The following UST variants were observed in gnomAD, a reference collection of about 807,000 sequenced individuals.
The protein encoded by UST is chondroitin sulfate 2-O-sulfotransferase.
A neutral mutation model predicts 45.6 loss-of-function variants in UST; 21 were observed. The observed-to-expected ratio is 0.46, with a 90% CI of 0.33 to 0.66. UST has a LOEUF of 0.66. UST is among the 30% of genes least tolerant of loss of function. UST has a pLI of 0.02. For synonymous variants in UST, 215 were observed against 200.6 expected, an observed-to-expected ratio of 1.07 and a Z score of -0.61; for missense variants, 463 against 512.4, an observed-to-expected ratio of 0.90 and a Z score of 0.93.
intron 2 of UST, among the ~76,000 whole-genome samples, chr6:148,922,931 T>C (rs1193416807): frequency 1.3e-5 from 2 of 152,162 alleles, no homozygotes; most frequent in African/African-American, 2.4e-5. Context: ...TAGCTGGGAT[T>C]ACAGGCATGC....
intron 4 of UST, among the ~76,000 whole-genome samples, chr6:148,964,122 C>T (rs879604160): frequency 6.6e-6 from 1 of 152,174 alleles, no homozygotes; most frequent in African/African-American, 2.4e-5. Flanking sequence ...AACTAGACAC[C>T]ATCTCTTCCT....
chr6:149,005,139 A>G (rs1053743215), intron 5 of UST, among the ~76,000 whole-genome samples: 1 of 152,140 alleles, frequency 6.6e-6, no homozygotes, highest in Non-Finnish European at 1.5e-5. Context: ...GAAGCCTTAC[A>G]GAGAACCCAA....
intron 7 of UST, among the ~76,000 whole-genome samples, chr6:149,065,254 TC>T (rs1215148152): frequency 6.6e-6 from 1 of 152,214 alleles, no homozygotes; most frequent in African/African-American, 2.4e-5. Context: ...CCTAACAACT[TC>T]CTCTAGAGCT....
intron 1 of UST, among the ~76,000 whole-genome samples, chr6:148,845,538 G>A (rs12195548): frequency 0.25 from 38,652 of 152,006 alleles, 6,187 homozygotes; most frequent in East Asian, 0.54. Flanking sequence ...TTCCAGTTTG[G>A]GGCTATTGTG....
At chr6:148,930,237 T>C (rs1200363281) in intron 2 of UST, among the ~76,000 whole-genome samples, 2 of 152,238 alleles carry the variant, frequency 1.3e-5, no homozygotes, top group African/African-American at 4.8e-5. Flanking sequence ...ATTCCCTTGT[T>C]AGATTGTGAG....
chr6:149,025,019 C>A (rs950846520), intron 7 of UST, among the ~76,000 whole-genome samples: 1 of 151,898 alleles, frequency 6.6e-6, no homozygotes, highest in Non-Finnish European at 1.5e-5. Flanking sequence ...AATATGTATA[C>A]CAGTCTCATT....
intron 7 of UST, among the ~76,000 whole-genome samples, chr6:149,027,235 A>C (rs1234861691): frequency 6.6e-6 from 1 of 152,238 alleles, no homozygotes; most frequent in East Asian, 1.9e-4. Flanking sequence ...ATGCTACAGA[A>C]ATAATTCAAA....
At chr6:149,006,191 T>G (rs1381249329) in intron 5 of UST, among the ~76,000 whole-genome samples, 1 of 152,162 alleles carries the variant, frequency 6.6e-6, no homozygotes, top group African/African-American at 2.4e-5. Flanking sequence ...ACCCATCACC[T>G]AGGTATTAAG....
rs1781274295 is a variant in UST at position 148,988,344 on chromosome 6, CG to C, written c.681+23784del. On this transcript the variant is annotated intron_variant, in intron 5 of 7. Transcript: ENST00000367463. ...AGTCCAGCACTTTGGGAGGTCAAAG[CG>C]GGTGAATCACTTGAGGCCAGGAGTT... Among the ~76,000 whole-genome samples, 4 of 151,996 alleles carry C rather than the reference CG, an allele frequency of 2.6e-5. No individual in the cohort carries two copies. In the East Asian group the frequency reaches 7.8e-4, roughly 30 times the overall value.
At chr6:148,945,701 C>T (rs1421545193) in intron 3 of UST, among the ~76,000 whole-genome samples, 1 of 152,192 alleles carries the variant, frequency 6.6e-6, no homozygotes, top group African/African-American at 2.4e-5. Flanking sequence ...AAATTAAAAA[C>T]AAAACTGCAA....
chr6:148,981,497 C>T (rs539378385), intron 5 of UST, among the ~76,000 whole-genome samples: 140 of 152,326 alleles, frequency 9.2e-4, no homozygotes, highest in South Asian at 1.9e-3. Context: ...ATCTTCACTG[C>T]TTTATTTACA....
Position 148,774,369 on chromosome 6 carries a change from T to A in UST, c.247+26692T>A, listed in dbSNP as rs116593601. ...GACAAGGCCCTATTCACTGTATTTATGATCAAATTCCACTTTTGATTTTAA... is the reference window on the plus strand; with the variant it reads ...GACAAGGCCCTATTCACTGTATTTAAGATCAAATTCCACTTTTGATTTTAA... On this transcript the variant is annotated intron_variant, in intron 1 of 7. Transcript: ENST00000367463. Among the ~76,000 whole-genome samples the A allele has an allele frequency of 1.0e-3, 158 of 151,716 alleles. 1 individual carries two copies. The highest frequency in any genetic ancestry group is 3.7e-3 in the African/African-American group (152 of 41,490).
intron 1 of UST, among the ~76,000 whole-genome samples, chr6:148,772,584 G>A (rs1447062918): frequency 1.3e-5 from 2 of 151,978 alleles, no homozygotes. Flanking sequence ...CACCATGCCC[G>A]GCTAATATTT....
rs991950350 is a variant in UST at position 149,029,493 on chromosome 6, A to G, written c.937+8012A>G. 8.2e-5 allele frequency among the ~76,000 whole-genome samples: 12 copies of G among 146,446 alleles called. No individual in the cohort carries two copies. The East Asian group carries it at 2.3e-3, about 29-fold the overall frequency. On this transcript the variant is annotated intron_variant, in intron 7 of 7. Transcript: ENST00000367463. ...TATATATAATGTATATATAATATAT[A>G]ATGTATATATTATATAGATACACCA...
chr6:149,026,011 G>A (rs1210210056), intron 7 of UST, among the ~76,000 whole-genome samples: 1 of 152,168 alleles, frequency 6.6e-6, no homozygotes, highest in Admixed American at 6.5e-5. Context: ...AACTGGGCAT[G>A]GTGGCAGGTG....
chr6:148,894,921 A>G (rs1230380283), intron 2 of UST, among the ~76,000 whole-genome samples: 1 of 150,040 alleles, frequency 6.7e-6, no homozygotes, highest in Non-Finnish European at 1.5e-5. Flanking sequence ...GGATTCAAGC[A>G]ATTCTCCTGC....
chr6:148,961,670 A>G (rs1780661190), intron 4 of UST, among the ~76,000 whole-genome samples: 1 of 152,254 alleles, frequency 6.6e-6, no homozygotes, highest in Non-Finnish European at 1.5e-5. Flanking sequence ...CAACTGATAC[A>G]GTGGACTTCA....
chr6:149,012,009 T>C (rs980718726), intron 5 of UST, among the ~76,000 whole-genome samples: 1 of 152,202 alleles, frequency 6.6e-6, no homozygotes, highest in Non-Finnish European at 1.5e-5. Flanking sequence ...AACTCAGAAG[T>C]AGTGTAAAGG....
chr6:149,019,036 C>T, intron 5 of UST, 103 bp from the exon 6 acceptor site: 4 of 898,752 alleles, frequency 4.5e-6, no homozygotes, highest in South Asian at 2.9e-5. Context: ...CTTCTCAAGG[C>T]GTGCCTGTGT....
Sources: allele counts gnomAD v4.1 joint callset (sites outside exome capture counted in the v4.1 genomes callset), GRCh38; gene constraint gnomAD v4.1.1; transcripts MANE v1.5; gene names NCBI Gene and HGNC (gene_info 2026-07-23, HGNC 2026-07-21).